POLR3A: variants seen among roughly 807,000 people sequenced by gnomAD.
POLR3A encodes the protein RNA polymerase III subunit A.
POLR3A carries 112 observed loss-of-function variants against 152.8 expected under a neutral mutation model. That is an observed-to-expected ratio of 0.73 (90% CI 0.63 to 0.86). The LOEUF (loss-of-function observed/expected upper bound fraction) is 0.86, where lower values mean the gene tolerates loss of function less well. Ranked by LOEUF, POLR3A falls within the 40% of genes least tolerant of loss-of-function variation. The pLI is 0.00. For missense variants in POLR3A, 1,385 were observed against 1,743.1 expected (o/e 0.79, Z 3.66); for synonymous variants, 615 against 652.1 (o/e 0.94, Z 0.87).
At chr10:78,017,327 G>A (rs1847534457) in intron 10 of POLR3A, among the ~76,000 whole-genome samples, 1 of 151,866 alleles carries the variant, frequency 6.6e-6, no homozygotes, top group Non-Finnish European at 1.5e-5. Context: ...CATGTCCGTG[G>A]TCCCAGCTAC....
intron 19 of POLR3A, among the ~76,000 whole-genome samples, chr10:77,995,163 A>G (rs924038909): frequency 4.6e-5 from 7 of 152,246 alleles, no homozygotes; most frequent in Non-Finnish European, 7.3e-5. Flanking sequence ...TGAAGGAAGC[A>G]CTAAACATGG....
At chr10:78,006,418 A>G (rs1368902079) in intron 15 of POLR3A, among the ~76,000 whole-genome samples, 1 of 150,658 alleles carries the variant, frequency 6.6e-6, no homozygotes, top group Non-Finnish European at 1.5e-5. Context: ...AAAAAAAAAA[A>G]AAAGAAACAA....
At position 77,977,176 on chromosome 10, in the gene POLR3A, G is replaced by GTC; in HGVS notation, c.*301_*302insGA. ...TGGGATGGACCATGACACCTGGCTG[G>GTC]GCTTTAAGTCCAGGGAAGCAGTGTG... On this transcript the variant is annotated 3_prime_UTR_variant, in exon 31 of 31. Coordinates refer to ENST00000372371, the MANE Select transcript of POLR3A (RefSeq NM_007055.4). 2 of 395,886 alleles carry GTC rather than the reference G, an allele frequency of 5.1e-6. No individual in the cohort carries two copies. Among genetic ancestry groups the GTC allele is most frequent in the South Asian group, 2.2e-5 (1 of 45,644 alleles). The allele number at this position is 395,886 out of a possible 1,614,324, so 24.5% of individuals were successfully genotyped here.
In POLR3A at chr10:78,002,244, A is replaced by C; in HGVS notation, c.2312T>G (p.Leu771Arg). The C allele has an allele frequency of 6.2e-7, 1 of 1,603,900 alleles. No individual in the cohort carries two copies. The highest frequency in any genetic ancestry group is 8.5e-7 in the Non-Finnish European group (1 of 1,175,916). ...GGTGAGGGGGCTGTTGCTCTTGTCC[A>C]GCTCCCGGAGGCAGGCACTGCCAGC... The part of the protein sequence containing the change: ...DHAGSACLRE[L>R]DKSNSPLTMA... The change falls in exon 17 of 31, where the codon CTG becomes CGG. Residue 771 changes from leucine (L) to arginine (R), a missense_variant. Leu to Arg is a moderately radical substitution (Grantham distance 102). Transcript: ENST00000372371.
intron 11 of POLR3A, among the ~76,000 whole-genome samples, chr10:78,011,371 G>T (rs891446395): frequency 1.3e-5 from 2 of 152,156 alleles, no homozygotes; most frequent in Admixed American, 6.5e-5. Flanking sequence ...AAGGGTGTTA[G>T]GTAGTAAAAC....
Position 78,026,112 on chromosome 10 carries a change from C to A in POLR3A, c.162G>T (p.Gly54=). 2.5e-6 allele frequency: 4 copies of A among 1,614,160 alleles called. No homozygotes were observed. Among genetic ancestry groups the A allele is most frequent in the Non-Finnish European group, 3.4e-6 (4 of 1,180,014 alleles). Residue 54 remains glycine (G), a synonymous_variant, in exon 2 of 31, where the codon GGG becomes GGT. Transcript: ENST00000372371. ...GCCTTACCATCCTATGGTCGAGCAC[C>A]CCATATAGCAAGGGGGCATGTTGGT... is the stretch of plus-strand genomic sequence containing the variant. ...QDNQHAPLLY[G]VLDHRMGTSE...
chr10:78,000,703 T>C (rs1169363201), intron 18 of POLR3A, among the ~76,000 whole-genome samples: 1 of 152,214 alleles, frequency 6.6e-6, no homozygotes, highest in African/African-American at 2.4e-5. Flanking sequence ...ATTTAAAGTT[T>C]ATTTATTTGT....
intron 5 of POLR3A, among the ~76,000 whole-genome samples, chr10:78,023,087 G>A (rs1482888017): frequency 6.6e-6 from 1 of 151,984 alleles, no homozygotes; most frequent in Admixed American, 6.6e-5. Flanking sequence ...GAACCTGGGA[G>A]GCAGAGGTTG....
intron 20 of POLR3A, among the ~76,000 whole-genome samples, chr10:77,992,491 G>A (rs1847259596): frequency 7.2e-6 from 1 of 139,708 alleles, no homozygotes; most frequent in Admixed American, 7.7e-5. Context: ...TTGCCAGGTT[G>A]GAGTGCAGTG....
intron 19 of POLR3A, among the ~76,000 whole-genome samples, chr10:77,997,501 C>T (rs1024427803): frequency 6.6e-6 from 1 of 152,146 alleles, no homozygotes; most frequent in African/African-American, 2.4e-5. Flanking sequence ...CACAAGCATT[C>T]TTATACACCA....
chr10:78,016,150 C>A (rs1318348942), intron 10 of POLR3A, among the ~76,000 whole-genome samples: 1 of 152,082 alleles, frequency 6.6e-6, no homozygotes, highest in Non-Finnish European at 1.5e-5. Flanking sequence ...GAAAAAGGAA[C>A]TGCTGCTGTT....
At chr10:78,028,685 T>C (rs956405833) in intron 1 of POLR3A, among the ~76,000 whole-genome samples, 1 of 151,942 alleles carries the variant, frequency 6.6e-6, no homozygotes, top group Non-Finnish European at 1.5e-5. Context: ...GTATTTTTGA[T>C]AGAGACGGGG....
chr10:77,994,052 CAAAAAGT>C (rs1213347073), intron 19 of POLR3A, among the ~76,000 whole-genome samples: 7 of 152,084 alleles, frequency 4.6e-5, no homozygotes, highest in Non-Finnish European at 1.0e-4. Context: ...CTCTCTAATT[CAAAAAGT>C]AAAGACAAAA....
chr10:78,020,157 G>C (rs997905661), intron 8 of POLR3A: 1 of 135,028 alleles, frequency 7.4e-6, no homozygotes, highest in Non-Finnish European at 1.5e-5. Context: ...CTGGGCAATA[G>C]AGTGAGACTC....
At chr10:78,003,400 G>A (rs1404756471) in intron 16 of POLR3A, among the ~76,000 whole-genome samples, 1 of 152,204 alleles carries the variant, frequency 6.6e-6, no homozygotes, top group African/African-American at 2.4e-5. Context: ...TCAGTGCCAC[G>A]GGTTTATCGG....
At position 77,980,297 on chromosome 10, in the gene POLR3A, C is replaced by T. The variant is rs188156636; in HGVS notation, c.3892-24G>A. On this transcript the variant is annotated intron_variant, in intron 29 of 30. Transcript: ENST00000372371. The stretch of plus-strand genomic sequence containing the variant: ...CCCTGCGTCAAGGGAGAAAGAGTCA[C>T]GGTGGTACTCACACCAATGGCAAAA... 3.2e-5 allele frequency: 51 copies of T among 1,613,306 alleles called. No individual in the cohort carries two copies. In the African/African-American group the frequency reaches 3.3e-4, roughly 11 times the overall value.
intron 5 of POLR3A, among the ~76,000 whole-genome samples, chr10:78,024,251 C>A (rs1387499674): frequency 6.6e-6 from 1 of 151,542 alleles, no homozygotes; most frequent in African/African-American, 2.4e-5. Context: ...GTAATCCCAG[C>A]TACTTGGGAG....
At chr10:77,994,619 TA>T (rs1213444022) in intron 19 of POLR3A, among the ~76,000 whole-genome samples, 1 of 151,022 alleles carries the variant, frequency 6.6e-6, no homozygotes, top group African/African-American at 2.4e-5. Flanking sequence ...GAAAAAAGAA[TA>T]AAAAGAAATG....
rs373183652 is a variant in POLR3A, at chr10:78,021,626, T to C, written c.1105A>G (p.Ile369Val). 1.4e-5 allele frequency: 22 copies of C among 1,614,032 alleles called. No homozygotes were observed. The African/African-American group carries it at 2.8e-4, about 21-fold the overall frequency. ...ATCCGGAGGTTGGGGTCGGGCGAGA[T>C]GACTGTTCTGCCAGAAAAATCCACT... ...KRVDFSGRTV[I>V]SPDPNLRIDE... Residue 369 changes from isoleucine to valine, a missense_variant, in exon 8 of 31, where the codon ATC becomes GTC. Ile to Val is a conservative substitution (Grantham distance 29). This residue lies in a region of POLR3A where 493 missense variants were observed against 647.5 expected (regional missense o/e 0.76). Coordinates refer to ENST00000372371, the MANE Select transcript of POLR3A (RefSeq NM_007055.4).
Sources: gnomAD v4.1 joint callset for allele counts (sites outside exome capture counted in the v4.1 genomes callset) on GRCh38, gnomAD v4.1.1 for gene constraint, gnomAD v4.1.1 regional missense constraint, MANE v1.5 for transcripts, NCBI Gene and HGNC (gene_info 2026-07-23, HGNC 2026-07-21) for gene names.